Variants in MYO18B observed in about 807,000 individuals in gnomAD.
MYO18B encodes the protein myosin XVIIIB.
MYO18B carries 204 observed loss-of-function variants against 273.0 expected under a neutral mutation model. The observed-to-expected ratio is 0.75, with a 90% CI of 0.67 to 0.84. The LOEUF is 0.84. MYO18B is among the 40% of genes least tolerant of loss of function. The pLI is 0.00. For missense variants in MYO18B, 3,212 were observed against 3,287.6 expected (o/e 0.98, Z 0.56); for synonymous variants, 1,330 against 1,305.7 (o/e 1.02, Z -0.40).
chr22:26,021,554 T>C (rs2146990829), intron 42 of MYO18B, among the ~76,000 whole-genome samples: 1 of 152,354 alleles, frequency 6.6e-6, no homozygotes, highest in African/African-American at 2.4e-5. Flanking sequence ...CATTATTCTA[T>C]AGACACTGGT....
intron 34 of MYO18B, among the ~76,000 whole-genome samples, chr22:25,931,647 C>T (rs2092502434): frequency 6.6e-6 from 1 of 150,476 alleles, no homozygotes; most frequent in Non-Finnish European, 1.5e-5. Flanking sequence ...GAGGAGACAG[C>T]TAGTATTATG....
At chr22:25,858,288 G>A (rs934457860) in intron 21 of MYO18B, among the ~76,000 whole-genome samples, 31 of 152,292 alleles carry the variant, frequency 2.0e-4, no homozygotes, top group African/African-American at 7.2e-4. Context: ...CATATAGTAT[G>A]GCATAGCAAA....
At chr22:25,895,670 A>C (rs1569163123) in intron 28 of MYO18B, 2 of 162,038 alleles carry the variant, frequency 1.2e-5, no homozygotes, top group Non-Finnish European at 2.7e-5. Flanking sequence ...TGCTACCTTC[A>C]TCTCTCATCC....
chr22:25,835,519 A>C, intron 17 of MYO18B, 76 bp downstream of exon 17: 1 of 1,586,636 alleles, frequency 6.3e-7, no homozygotes, highest in Non-Finnish European at 8.6e-7. Flanking sequence ...TGCTGCAGGG[A>C]AAGCCCTGAC....
chr22:25,751,803 G>T (rs1419711203), intron 1 of MYO18B, among the ~76,000 whole-genome samples: 3 of 152,202 alleles, frequency 2.0e-5, no homozygotes, highest in Admixed American at 2.0e-4. Context: ...CACACGGTTG[G>T]TTCTCCCTAA....
At chr22:25,743,082 G>C (rs1043289340) in intron 1 of MYO18B, among the ~76,000 whole-genome samples, 4 of 152,246 alleles carry the variant, frequency 2.6e-5, no homozygotes, top group Non-Finnish European at 5.9e-5. Flanking sequence ...CAGGAGTGGG[G>C]AGGCCCGGAA....
chr22:25,848,895 G>A (rs2090337753), intron 20 of MYO18B, among the ~76,000 whole-genome samples: 1 of 152,168 alleles, frequency 6.6e-6, no homozygotes, highest in East Asian at 1.9e-4. Flanking sequence ...CCTAGTGTAT[G>A]GTCGCTTCTC....
intron 39 of MYO18B, among the ~76,000 whole-genome samples, chr22:25,971,876 AG>A (rs886842941): frequency 6.6e-5 from 10 of 152,212 alleles, no homozygotes; most frequent in Non-Finnish European, 1.5e-4. Flanking sequence ...ATTTTCAAAC[AG>A]GGTCCTAGGG....
At chr22:25,787,233 GAAAA>G (rs550182874) in intron 11 of MYO18B, among the ~76,000 whole-genome samples, 1 of 147,484 alleles carries the variant, frequency 6.8e-6, no homozygotes, top group South Asian at 2.2e-4. Flanking sequence ...AAAGAAAAAA[GAAAA>G]AAAAATTGCT....
At chr22:26,040,906 G>A in the MYO18B span, among the ~76,000 whole-genome samples, 4 of 152,194 alleles carry the variant, frequency 2.6e-5, no homozygotes, top group Non-Finnish European at 5.9e-5. Flanking sequence ...TGAGAGTAAG[G>A]ATGGGAGCCA....
At chr22:25,947,616 C>T (rs1322816505) in intron 35 of MYO18B, 96 bp from the exon 36 acceptor site, 1 of 815,094 alleles carries the variant, frequency 1.2e-6, no homozygotes, top group Non-Finnish European at 2.0e-6. Context: ...TCACCTCACA[C>T]ACCTATAGGC....
intron 34 of MYO18B, among the ~76,000 whole-genome samples, chr22:25,935,591 GAAGA>G (rs2092566544): frequency 1.4e-5 from 1 of 69,232 alleles, no homozygotes; most frequent in Admixed American, 1.2e-4. Flanking sequence ...AAGGAGAAAA[GAAGA>G]GAAAAAAAAA....
chr22:25,937,999 C>T (rs12106591), intron 34 of MYO18B, among the ~76,000 whole-genome samples: 7,503 of 152,282 alleles, frequency 0.049, 628 homozygotes, highest in African/African-American at 0.17. Context: ...TTGGTTCTTT[C>T]AAGTACCCTG....
chr22:26,000,581 C>CTTT (rs59924200), intron 40 of MYO18B, among the ~76,000 whole-genome samples: 26,739 of 144,048 alleles, frequency 0.19, 3,126 homozygotes, highest in Non-Finnish European at 0.27. Context: ...GCCTGAAAGC[C>CTTT]TTTTTTTTTT....
At chr22:25,840,158 G>A (rs1371994380) in intron 17 of MYO18B, among the ~76,000 whole-genome samples, 1 of 152,116 alleles carries the variant, frequency 6.6e-6, no homozygotes, top group Non-Finnish European at 1.5e-5. Flanking sequence ...CCACAACCCT[G>A]GGCGCTCCCC....
At chr22:25,872,250 A>G (rs1481195896) in intron 22 of MYO18B, among the ~76,000 whole-genome samples, 1 of 152,182 alleles carries the variant, frequency 6.6e-6, no homozygotes, top group African/African-American at 2.4e-5. Flanking sequence ...TACGAAAAAT[A>G]GGGTTTAGGG....
chr22:25,948,436 TTCC>T (rs1569224926), intron 36 of MYO18B, among the ~76,000 whole-genome samples: 5,556 of 136,438 alleles, frequency 0.041, 164 homozygotes, highest in East Asian at 0.055. Flanking sequence ...CCTTCCTTCC[TTCC>T]TTCCTTCCTT....
intron 1 of MYO18B, among the ~76,000 whole-genome samples, chr22:25,751,581 G>A (rs2085931409): frequency 6.6e-6 from 1 of 152,200 alleles, no homozygotes; most frequent in Non-Finnish European, 1.5e-5. Flanking sequence ...ACACCTTGGG[G>A]TAAGTCTCAC....
At chr22:25,950,261 T>A in intron 36 of MYO18B, 106 bp from the exon 37 acceptor site, 1 of 856,536 alleles carries the variant, frequency 1.2e-6, no homozygotes, top group South Asian at 1.8e-5. Context: ...CTCTGAGAGA[T>A]GTAGACATCT....
Sources: gnomAD v4.1 joint callset for allele counts (sites outside exome capture counted in the v4.1 genomes callset) on GRCh38, gnomAD v4.1.1 for gene constraint, MANE v1.5 for transcripts, NCBI Gene and HGNC (gene_info 2026-07-23, HGNC 2026-07-21) for gene names.